The following RPS6KB1 variants were observed in gnomAD, a reference collection of about 807,000 sequenced individuals.
RPS6KB1 encodes the protein ribosomal protein S6 kinase beta-1.
RPS6KB1 carries 12 observed loss-of-function variants against 70.2 expected under a neutral mutation model. The ratio of observed to expected loss-of-function variants is 0.17; its 90% CI spans 0.11 to 0.28. RPS6KB1 has a LOEUF of 0.28. Ranked by LOEUF, RPS6KB1 falls within the 10% of genes least tolerant of loss-of-function variation. RPS6KB1 has a pLI of 1.00. For synonymous variants in RPS6KB1, 175 were observed against 211.2 expected (o/e 0.83, Z 1.49); for missense variants, 270 against 646.6 (o/e 0.42, Z 6.32).
intron 10 of RPS6KB1, among the ~76,000 whole-genome samples, chr17:59,935,688 TG>T (rs2044186745): frequency 6.6e-6 from 1 of 152,132 alleles, no homozygotes; most frequent in Non-Finnish European, 1.5e-5. Context: ...TTGGTCAGTC[TG>T]GTCTGGAACT....
intron 1 of RPS6KB1, among the ~76,000 whole-genome samples, chr17:59,898,252 A>C (rs1414801226): frequency 6.6e-6 from 1 of 152,148 alleles, no homozygotes; most frequent in Non-Finnish European, 1.5e-5. Flanking sequence ...TCAAAATTTG[A>C]AATAATCACG....
In RPS6KB1 at chr17:59,949,844, TA is replaced by T. The variant is rs139023905; in HGVS notation, c.*3058del. On this transcript the variant is annotated 3_prime_UTR_variant, in exon 15 of 15. Coordinates refer to ENST00000225577, the MANE Select transcript of RPS6KB1 (RefSeq NM_003161.4). ...AAACAAGATGCATCTTAGATAGTAT[TA>T]ATATACTGAGCCTTGGATTATATAT... 19,928 of 152,468 alleles carry T rather than the reference TA, an allele frequency of 0.13. 1,557 individuals are homozygous for T. The highest frequency in any genetic ancestry group is 0.22 in the Middle Eastern group (64 of 292). The allele number at this position is 152,468 out of a possible 1,614,324, so 9.4% of individuals were successfully genotyped here. A position where few individuals can be genotyped will look rare whatever the true frequency, so the allele number is the denominator to read the frequency against.
intron 4 of RPS6KB1, among the ~76,000 whole-genome samples, chr17:59,924,371 C>G (rs937897395): frequency 2.6e-5 from 4 of 152,012 alleles, no homozygotes; most frequent in Non-Finnish European, 4.4e-5. Context: ...TTCTCTTTCT[C>G]TTTCTGTGGT....
intron 13 of RPS6KB1, among the ~76,000 whole-genome samples, chr17:59,943,890 T>TTA (rs34821995): frequency 0.19 from 24,438 of 131,940 alleles, 2,566 homozygotes; most frequent in East Asian, 0.38. Context: ...AAAAAAAAAA[T>TTA]TATATATATA....
intron 1 of RPS6KB1, among the ~76,000 whole-genome samples, chr17:59,904,746 G>T (rs1016620301): frequency 1.3e-5 from 2 of 149,470 alleles, no homozygotes; most frequent in African/African-American, 2.5e-5. Context: ...GCCCAGGCTG[G>T]AGTGCAGTGG....
At chr17:59,912,432 C>T in intron 2 of RPS6KB1, 1 of 350,194 alleles carries the variant, frequency 2.9e-6, no homozygotes, top group Non-Finnish European at 5.4e-6. Flanking sequence ...CCCCTTTATG[C>T]ATAAAATAAA....
intron 13 of RPS6KB1, among the ~76,000 whole-genome samples, chr17:59,943,873 CAA>C (rs61529575): frequency 2.5e-4 from 25 of 99,246 alleles, no homozygotes; most frequent in African/African-American, 6.8e-4. Context: ...GAATCCATCT[CAA>C]AAAAAAAAAA....
chr17:59,910,065 T>C (rs1313020253), intron 1 of RPS6KB1, among the ~76,000 whole-genome samples: 2 of 151,510 alleles, frequency 1.3e-5, no homozygotes, highest in East Asian at 3.9e-4. Flanking sequence ...TACATGCCTA[T>C]ACTCCCAGCT....
chr17:59,901,423 A>G (rs903269673), intron 1 of RPS6KB1, among the ~76,000 whole-genome samples: 1 of 151,008 alleles, frequency 6.6e-6, no homozygotes, highest in Non-Finnish European at 1.5e-5. Flanking sequence ...TGCTGGGATT[A>G]CAGGCGTGAG....
chr17:59,908,943 T>G (rs1031790936), intron 1 of RPS6KB1, among the ~76,000 whole-genome samples: 3 of 143,810 alleles, frequency 2.1e-5, no homozygotes, highest in African/African-American at 7.7e-5. Flanking sequence ...TTTTTTTTTT[T>G]GAGACAGGGT....
intron 6 of RPS6KB1, chr17:59,930,429 A>G (rs2043865539): frequency 2.7e-6 from 1 of 373,592 alleles, no homozygotes; most frequent in Non-Finnish European, 4.9e-6. Flanking sequence ...CTTTCCTTGA[A>G]TTGGTAAGCT....
chr17:59,924,801 CTTATTT>C (rs991138881), intron 4 of RPS6KB1, among the ~76,000 whole-genome samples: 4 of 150,638 alleles, frequency 2.7e-5, no homozygotes, highest in Non-Finnish European at 5.9e-5. Context: ...AGAAATTTTT[CTTATTT>C]TTATTTTATT....
chr17:59,896,775 C>T (rs1031174785), intron 1 of RPS6KB1, among the ~76,000 whole-genome samples: 11 of 152,104 alleles, frequency 7.2e-5, no homozygotes, highest in African/African-American at 2.7e-4. Context: ...TATGTCTTAG[C>T]AACACTTTTT....
chr17:59,914,522 A>C (rs2042829704), intron 3 of RPS6KB1, 113 bp from the exon 4 acceptor site: 6 of 794,216 alleles, frequency 7.6e-6, no homozygotes, highest in Non-Finnish European at 1.3e-5. Flanking sequence ...TCATTTTTGC[A>C]CATAGTTTTT....
chr17:59,930,152 A>G lies in RPS6KB1; in HGVS notation c.565A>G (p.Ile189Val), dbSNP rs371239209. 1.3e-6 allele frequency: 2 copies of G among 1,528,964 alleles called. No homozygotes were observed. Among genetic ancestry groups the G allele is most frequent in the Non-Finnish European group, 1.8e-6 (2 of 1,102,594 alleles). 94.7% of individuals were successfully genotyped at this position (1,528,964 alleles called of 1,614,324 possible). A position where few individuals can be genotyped will look rare whatever the true frequency, so the allele number is the denominator to read the frequency against. Residue 189 changes from isoleucine to valine, a missense_variant, in exon 6 of 15, where the codon ATA becomes GTA. This residue lies in a region of RPS6KB1 where 21 missense variants were observed against 135.9 expected (regional missense o/e 0.15). Coordinates refer to ENST00000225577, the MANE Select transcript of RPS6KB1 (RefSeq NM_003161.4). The stretch of plus-strand genomic sequence containing the variant: ...ATTTATGCAGTTAGAAAGAGAGGGA[A>G]TATTTATGGAAGACACTGCCTGGTA... ...ELFMQLEREGIFMEDTACFYL... is the reference protein window; with the variant it reads ...ELFMQLEREGVFMEDTACFYL...
At position 59,910,628 on chromosome 17, in the gene RPS6KB1, A is replaced by T. The variant is rs1187329241; in HGVS notation, c.191+17A>T. 6.6e-7 allele frequency: 1 copy of T among 1,526,388 alleles called. No homozygotes were observed. 94.6% of individuals were successfully genotyped at this position (1,526,388 alleles called of 1,614,324 possible). A position where few individuals can be genotyped will look rare whatever the true frequency, so the allele number is the denominator to read the frequency against. The stretch of plus-strand genomic sequence containing the variant: ...ATATGAACTGTAAGTTTATATGAAG[A>T]GATTTTCATTGTGTTGTCTTTCTTA... On this transcript the variant is annotated intron_variant, in intron 2 of 14. Transcript: ENST00000225577.
intron 4 of RPS6KB1, among the ~76,000 whole-genome samples, chr17:59,915,284 C>T (rs1374199530): frequency 6.6e-5 from 10 of 151,274 alleles, no homozygotes; most frequent in South Asian, 2.1e-4. Flanking sequence ...CCACCGCACC[C>T]GGCAAAAAAT....
chr17:59,945,531 CTTATT>C lies in RPS6KB1; in HGVS notation c.1340+16_1340+20del. The C allele has an allele frequency of 7.0e-7, 1 of 1,423,742 alleles. No homozygotes were observed. The highest frequency in any genetic ancestry group is 9.9e-7 in the Non-Finnish European group (1 of 1,009,198). The allele number at this position is 1,423,742 out of a possible 1,614,324, so 88.2% of individuals were successfully genotyped here. On this transcript the variant is annotated intron_variant, in intron 14 of 14. Transcript: ENST00000225577. ...GAACACCTGTCAGGTATTTCACACT[CTTATT>C]TTCACTTTTTTTTGTTTTTAAACAA...
chr17:59,908,094 C>G (rs1201559969), intron 1 of RPS6KB1, among the ~76,000 whole-genome samples: 2 of 151,920 alleles, frequency 1.3e-5, no homozygotes, highest in Non-Finnish European at 2.9e-5. Context: ...TTATGTTACT[C>G]TGTGTATTAA....
Sources: allele counts gnomAD v4.1 joint callset (sites outside exome capture counted in the v4.1 genomes callset), GRCh38; gene constraint gnomAD v4.1.1; regional missense constraint gnomAD v4.1.1; transcripts MANE v1.5; gene names NCBI Gene and HGNC (gene_info 2026-07-23, HGNC 2026-07-21).